ATRNL1: variants seen among roughly 807,000 people sequenced by gnomAD.
ATRNL1 encodes attractin-like protein 1.
In ATRNL1, 95 loss-of-function variants were observed where a neutral mutation model predicts 182.7. The ratio of observed to expected loss-of-function variants is 0.52; its 90% confidence interval spans 0.44 to 0.62. ATRNL1 has a LOEUF of 0.62. Ranked by LOEUF, ATRNL1 falls within the 20% of genes least tolerant of loss-of-function variation. The pLI, the probability that ATRNL1 is intolerant of heterozygous loss-of-function variation, is 0.00. For missense variants in ATRNL1, 1,471 were observed against 1,679.5 expected (o/e 0.88, Z 2.17); for synonymous variants, 576 against 568.3 (o/e 1.01, Z -0.19).
chr10:115,325,170 A>G (rs1854806388), intron 18 of ATRNL1, among the ~76,000 whole-genome samples: 1 of 152,162 alleles, frequency 6.6e-6, no homozygotes, highest in South Asian at 2.1e-4. Flanking sequence ...TTGTGTGTCC[A>G]TAAATGAGGA....
intron 24 of ATRNL1, among the ~76,000 whole-genome samples, chr10:115,470,140 GA>G (rs1391353188): frequency 6.7e-6 from 1 of 150,278 alleles, no homozygotes; most frequent in Non-Finnish European, 1.5e-5. Flanking sequence ...TCTGTAACTA[GA>G]AATGTTTGCA....
At chr10:115,872,476 T>C (rs1951606989) in intron 28 of ATRNL1, among the ~76,000 whole-genome samples, 1 of 152,082 alleles carries the variant, frequency 6.6e-6, no homozygotes, top group Non-Finnish European at 1.5e-5. Context: ...TAAATTAATA[T>C]CAAGTCAAAA....
chr10:115,355,468 C>T (rs113565505), intron 19 of ATRNL1, among the ~76,000 whole-genome samples: 21 of 152,134 alleles, frequency 1.4e-4, no homozygotes, highest in African/African-American at 4.8e-4. Context: ...AGGCAAAGTC[C>T]CTTTCTGTCT....
intron 15 of ATRNL1, among the ~76,000 whole-genome samples, chr10:115,295,845 C>T (rs907855221): frequency 3.9e-5 from 6 of 152,082 alleles, no homozygotes; most frequent in Middle Eastern, 3.4e-3. Context: ...GGCATTCAGC[C>T]GCCTGTGTGG....
chr10:115,505,505 A>C (rs183427680), intron 24 of ATRNL1, among the ~76,000 whole-genome samples: 209 of 152,238 alleles, frequency 1.4e-3, no homozygotes, highest in Non-Finnish European at 2.5e-3. Context: ...AAAAGCAAAC[A>C]AACAAACAAA....
chr10:115,093,913 G>C lies in ATRNL1; in HGVS notation c.163G>C (p.Ala55Pro), dbSNP rs374058637. The C allele has an allele frequency of 6.3e-7, 1 of 1,597,318 alleles. No homozygotes were observed. The highest frequency in any genetic ancestry group is 8.5e-7 in the Non-Finnish European group (1 of 1,173,534). Residue 55 changes from alanine to proline, a missense_variant, in exon 1 of 29, where the codon GCG becomes CCG. Around this residue, in one of 3 missense-constraint regions of ATRNL1, gnomAD observed 1,031 missense variants for 1,156.0 expected, o/e 0.89. Coordinates refer to ENST00000355044, the MANE Select transcript of ATRNL1 (RefSeq NM_207303.4). The surrounding 1 kb of genome is among the most constrained non-coding windows in gnomAD (Gnocchi z 6.1). ...CYGFLYLALYAQVSQSKPCER... is the reference protein window; with the variant it reads ...CYGFLYLALYPQVSQSKPCER... Reference sequence around the variant, plus strand: ...TGGCTTCCTCTACCTGGCGCTCTACGCGCAGGTGTCCCAGTCCAAGCCGTG... The same window carrying C: ...TGGCTTCCTCTACCTGGCGCTCTACCCGCAGGTGTCCCAGTCCAAGCCGTG...
At chr10:115,548,287 G>T (rs1270254033) in intron 25 of ATRNL1, among the ~76,000 whole-genome samples, 1 of 152,204 alleles carries the variant, frequency 6.6e-6, no homozygotes, top group Non-Finnish European at 1.5e-5. Context: ...TGTTAAAATT[G>T]ACATTGTTGT....
At chr10:115,480,637 G>A (rs560997096) in intron 24 of ATRNL1, among the ~76,000 whole-genome samples, 1 of 151,060 alleles carries the variant, frequency 6.6e-6, no homozygotes, top group South Asian at 2.1e-4. Context: ...GAGAATGGAA[G>A]ATTTTCTAAT....
chr10:115,857,200 T>C lies in ATRNL1; in HGVS notation c.4018+9209T>C, dbSNP rs191888079. ...TAACATATACAACATACAAAATACG[T>C]GTTAATCAACTGTTTAGATTATTGG... On this transcript the variant is annotated intron_variant, in intron 28 of 28. Transcript: ENST00000355044. 2.0e-5 allele frequency among the ~76,000 whole-genome samples: 3 copies of C among 152,294 alleles called. No individual in the cohort carries two copies. In the East Asian group the frequency reaches 5.8e-4, roughly 29 times the overall value.
intron 17 of ATRNL1, among the ~76,000 whole-genome samples, chr10:115,313,980 A>G (rs574593182): frequency 6.6e-6 from 1 of 152,322 alleles, no homozygotes; most frequent in African/African-American, 2.4e-5. Flanking sequence ...TAGATATACA[A>G]TAAATGTTTT....
chr10:115,674,786 A>G (rs1945808603), intron 26 of ATRNL1, among the ~76,000 whole-genome samples: 1 of 152,134 alleles, frequency 6.6e-6, no homozygotes. Flanking sequence ...CTTTTCTAAA[A>G]AAATGGACTG....
At chr10:115,158,474 A>C (rs1464033477) in intron 5 of ATRNL1, among the ~76,000 whole-genome samples, 1 of 152,076 alleles carries the variant, frequency 6.6e-6, no homozygotes, top group East Asian at 1.9e-4. Context: ...ATCTCTGATT[A>C]CTAAGGAATA....
At chr10:115,107,610 C>T (rs782316936) in intron 1 of ATRNL1, among the ~76,000 whole-genome samples, 1 of 152,174 alleles carries the variant, frequency 6.6e-6, no homozygotes, top group African/African-American at 2.4e-5. Flanking sequence ...CAGAGGCAGC[C>T]CTGCTCCCAT....
intron 27 of ATRNL1, among the ~76,000 whole-genome samples, chr10:115,764,265 C>A (rs782382788): frequency 1.3e-5 from 2 of 152,150 alleles, no homozygotes; most frequent in African/African-American, 4.8e-5. Flanking sequence ...GCATCCCCAC[C>A]AGAGTGACAC....
chr10:115,386,006 C>T (rs1858325832), intron 19 of ATRNL1, among the ~76,000 whole-genome samples: 1 of 151,912 alleles, frequency 6.6e-6, no homozygotes. Flanking sequence ...AGTCTTCTGT[C>T]TTCGTCTTTT....
intron 26 of ATRNL1, among the ~76,000 whole-genome samples, chr10:115,624,970 A>G (rs555221294): frequency 1.2e-4 from 18 of 152,276 alleles, no homozygotes; most frequent in African/African-American, 4.1e-4. Flanking sequence ...ATATTAGTTT[A>G]CTATCATAAT....
At chr10:115,252,726 G>A (rs1484185094) in intron 10 of ATRNL1, among the ~76,000 whole-genome samples, 4 of 152,046 alleles carry the variant, frequency 2.6e-5, no homozygotes, top group African/African-American at 4.8e-5. Context: ...TCGTTATATG[G>A]TACTGAGGAG....
chr10:115,621,276 T>TATATATATATATAGAGAGAGAGAGAGAG (rs1268020830), intron 26 of ATRNL1, among the ~76,000 whole-genome samples: 2 of 47,576 alleles, frequency 4.2e-5, no homozygotes, highest in African/African-American at 1.5e-4. Context: ...TATATATATA[T>TATATATATATATAGAGAGAGAGAGAGAG]AGAGAGAGAG....
At chr10:115,309,631 G>C (rs1853914394) in intron 17 of ATRNL1, among the ~76,000 whole-genome samples, 1 of 152,030 alleles carries the variant, frequency 6.6e-6, no homozygotes, top group African/African-American at 2.4e-5. Context: ...TGTAACCTTA[G>C]ACTTTACTGA....
Sources: gnomAD v4.1 joint callset for allele counts (sites outside exome capture counted in the v4.1 genomes callset) on GRCh38, gnomAD v4.1.1 for gene constraint, gnomAD v4.1.1 regional missense constraint, Gnocchi (gnomAD v3.1) non-coding constraint, MANE v1.5 for transcripts, NCBI Gene and HGNC (gene_info 2026-07-23, HGNC 2026-07-21) for gene names.